Variants in GARRE1 observed in about 807,000 individuals in gnomAD.
GARRE1 encodes the protein granule associated Rac and RHOG effector protein 1.
In GARRE1, 49 loss-of-function variants were observed where a neutral mutation model predicts 103.2. The observed-to-expected ratio is 0.47, with a 90% CI of 0.38 to 0.60. GARRE1 has a LOEUF of 0.60. GARRE1 is among the 20% of genes least tolerant of loss of function. The pLI is 0.00. For synonymous variants in GARRE1, 505 were observed against 532.8 expected (o/e 0.95, Z 0.72); for missense variants, 1,199 against 1,370.5 (o/e 0.87, Z 1.98).
At chr19:34,284,199 C>T (rs2073873154) in intron 1 of GARRE1, among the ~76,000 whole-genome samples, 1 of 143,808 alleles carries the variant, frequency 7.0e-6, no homozygotes, top group South Asian at 2.2e-4. Flanking sequence ...GGTGCAATCT[C>T]GGCTTACTGC....
intron 10 of GARRE1, among the ~76,000 whole-genome samples, chr19:34,343,479 G>A (rs2074196655): frequency 6.6e-6 from 1 of 152,058 alleles, no homozygotes; most frequent in African/African-American, 2.4e-5. Flanking sequence ...AGACTTAATA[G>A]CAATACATTT....
chr19:34,317,198 G>A (rs530862196), intron 2 of GARRE1, among the ~76,000 whole-genome samples: 13 of 152,306 alleles, frequency 8.5e-5, no homozygotes, highest in Admixed American at 3.9e-4. Flanking sequence ...AGCAGCACCC[G>A]GCCTTGCATA....
intron 7 of GARRE1, 147 bp downstream of exon 7, chr19:34,330,494 G>A: frequency 4.0e-6 from 3 of 747,992 alleles, no homozygotes; most frequent in Non-Finnish European, 6.4e-6. Context: ...GGTAGACAAG[G>A]TAAAGGAAGA....
At chr19:34,256,497 G>A (rs2145946959) in intron 1 of GARRE1, among the ~76,000 whole-genome samples, 1 of 150,038 alleles carries the variant, frequency 6.7e-6, no homozygotes, top group East Asian at 2.0e-4. Flanking sequence ...TCCAGCCTGG[G>A]CAACAGAGTG....
At chr19:34,283,064 T>G (rs2073864559) in intron 1 of GARRE1, among the ~76,000 whole-genome samples, 1 of 152,218 alleles carries the variant, frequency 6.6e-6, no homozygotes, top group South Asian at 2.1e-4. Context: ...GTAAGTGCAC[T>G]TGCCTGTTTA....
chr19:34,303,955 TAAA>T (rs997850551), intron 2 of GARRE1, among the ~76,000 whole-genome samples: 5 of 152,204 alleles, frequency 3.3e-5, no homozygotes, highest in African/African-American at 1.2e-4. Flanking sequence ...TTTAAAAATG[TAAA>T]AGTCAGCTTT....
At chr19:34,277,160 C>A (rs1307417950) in intron 1 of GARRE1, among the ~76,000 whole-genome samples, 1 of 152,066 alleles carries the variant, frequency 6.6e-6, no homozygotes, top group Non-Finnish European at 1.5e-5. Flanking sequence ...GGTGTGACTG[C>A]AGAATGATGA....
intron 12 of GARRE1, 52 bp from the exon 13 acceptor site, chr19:34,351,462 G>A: frequency 7.3e-7 from 1 of 1,372,232 alleles, no homozygotes; most frequent in African/African-American, 1.4e-5. Context: ...CCCTACAGGT[G>A]GGCTGGGCAG....
At chr19:34,344,387 G>A (rs187816203) in intron 10 of GARRE1, among the ~76,000 whole-genome samples, 2,223 of 151,996 alleles carry the variant, frequency 0.015, 25 homozygotes, top group South Asian at 0.025. Flanking sequence ...TCAGGAGATC[G>A]AGACCATCCC....
intron 1 of GARRE1, among the ~76,000 whole-genome samples, chr19:34,296,800 A>G (rs761116182): frequency 3.3e-5 from 5 of 151,980 alleles, no homozygotes; most frequent in Admixed American, 6.6e-5. Flanking sequence ...ACATTTTTAT[A>G]TGATTTTAGG....
At chr19:34,327,009 A>G (rs889016461) in intron 3 of GARRE1, among the ~76,000 whole-genome samples, 1 of 151,446 alleles carries the variant, frequency 6.6e-6, no homozygotes, top group African/African-American at 2.4e-5. Flanking sequence ...ACAAAACTCA[A>G]CCAGGCGCAG....
intron 1 of GARRE1, chr19:34,296,178 T>C: frequency 2.6e-6 from 1 of 389,784 alleles, no homozygotes; most frequent in Non-Finnish European, 4.5e-6. Flanking sequence ...CGTCAGTTTG[T>C]TTGTACAAAT....
intron 1 of GARRE1, among the ~76,000 whole-genome samples, chr19:34,260,838 G>C (rs2073713085): frequency 6.6e-6 from 1 of 152,224 alleles, no homozygotes; most frequent in African/African-American, 2.4e-5. Flanking sequence ...AGGCATGCAT[G>C]GAATGTGTTT....
intron 7 of GARRE1, among the ~76,000 whole-genome samples, chr19:34,332,645 C>T (rs1165843571): frequency 6.6e-6 from 1 of 152,168 alleles, no homozygotes; most frequent in Non-Finnish European, 1.5e-5. Flanking sequence ...CATTGCAGAT[C>T]AGCTATGGGA....
intron 2 of GARRE1, among the ~76,000 whole-genome samples, chr19:34,305,402 T>A (rs774167562): frequency 1.3e-5 from 2 of 152,184 alleles, no homozygotes; most frequent in Non-Finnish European, 2.9e-5. Context: ...TCCTAGAAAG[T>A]GTTGAACAAT....
intron 1 of GARRE1, among the ~76,000 whole-genome samples, chr19:34,299,251 C>A (rs746255499): frequency 6.6e-6 from 1 of 152,146 alleles, no homozygotes; most frequent in Non-Finnish European, 1.5e-5. Context: ...TTTTGATTTC[C>A]CTTGCCCTTT....
At chr19:34,285,754 C>T (rs946802125) in intron 1 of GARRE1, among the ~76,000 whole-genome samples, 3 of 152,026 alleles carry the variant, frequency 2.0e-5, no homozygotes, top group Non-Finnish European at 4.4e-5. Flanking sequence ...CCTCGGCCTC[C>T]CAAAGTGCTG....
At chr19:34,336,439 A>C (rs1253922641) in intron 8 of GARRE1, among the ~76,000 whole-genome samples, 1 of 149,218 alleles carries the variant, frequency 6.7e-6, no homozygotes, top group Non-Finnish European at 1.5e-5. Context: ...TTTCTTTTGT[A>C]GTCAGTGTTC....
chr19:34,348,167 TGAGA>T (rs1176627172), intron 11 of GARRE1, 125 bp downstream of exon 11: 1 of 805,322 alleles, frequency 1.2e-6, no homozygotes, highest in East Asian at 3.4e-5. Context: ...AGCCCCCATG[TGAGA>T]GAGTGACATG....
Sources: allele counts gnomAD v4.1 joint callset (sites outside exome capture counted in the v4.1 genomes callset), GRCh38; gene constraint gnomAD v4.1.1; transcripts MANE v1.5; gene names NCBI Gene and HGNC (gene_info 2026-07-23, HGNC 2026-07-21).